PDZD2: variants seen among roughly 807,000 people sequenced by gnomAD.
PDZD2 encodes the protein PDZ domain containing 2.
In PDZD2, 90 loss-of-function variants were observed where a neutral mutation model predicts 220.7. The observed-to-expected ratio is 0.41, with a 90% CI of 0.34 to 0.49. The LOEUF is 0.49. Among genes scored for constraint, PDZD2 ranks in the 20% least tolerant of loss-of-function variants. The probability of loss-of-function intolerance (pLI) is 0.28; values close to 1 mark genes in which losing one functional copy is unlikely to be tolerated. For missense variants in PDZD2, 3,174 were observed against 3,608.5 expected, an observed-to-expected ratio of 0.88 and a Z score of 3.08; for synonymous variants, 1,375 against 1,450.5, an observed-to-expected ratio of 0.95 and a Z score of 1.18.
intron 23 of PDZD2, chr5:32,100,279 AGG>A: frequency 1.8e-5 from 3 of 166,018 alleles, no homozygotes; most frequent in South Asian, 1.6e-4. Context: ...CAGTGAACAG[AGG>A]AAGCAGGCAG....
intron 14 of PDZD2, among the ~76,000 whole-genome samples, chr5:32,069,198 G>A (rs564069148): frequency 1.3e-5 from 2 of 151,398 alleles, no homozygotes; most frequent in East Asian, 1.9e-4. Context: ...CCTGGGAGGC[G>A]GAGGTTGCAG....
chr5:31,836,008 A>G (rs1028990104), intron 2 of PDZD2, among the ~76,000 whole-genome samples: 1 of 152,166 alleles, frequency 6.6e-6, no homozygotes, highest in African/African-American at 2.4e-5. Context: ...AATGTCCATG[A>G]TTGTCCACCT....
chr5:32,065,139 A>G (rs549776191), intron 14 of PDZD2, among the ~76,000 whole-genome samples: 32 of 152,298 alleles, frequency 2.1e-4, no homozygotes, highest in African/African-American at 7.5e-4. Flanking sequence ...GTATCTACCA[A>G]TAATACAAAA....
intron 2 of PDZD2, among the ~76,000 whole-genome samples, chr5:31,863,185 A>G (rs185939160): frequency 3.3e-5 from 5 of 152,212 alleles, no homozygotes; most frequent in Admixed American, 3.3e-4. Context: ...GCGCCCGGCC[A>G]TGAGACCTTT....
intron 1 of PDZD2, among the ~76,000 whole-genome samples, chr5:31,662,876 C>CA (rs1745831205): frequency 2.0e-5 from 3 of 152,314 alleles, no homozygotes; most frequent in Admixed American, 2.0e-4. Flanking sequence ...GTGATCCACC[C>CA]GCTGTGGCCT....
intron 1 of PDZD2, among the ~76,000 whole-genome samples, chr5:31,643,094 G>A (rs117245835): frequency 1.3e-5 from 2 of 152,308 alleles, no homozygotes; most frequent in East Asian, 1.9e-4. Flanking sequence ...AGGAGGAATC[G>A]AAAGAGGTAC....
At chr5:31,840,381 G>A (rs1757192941) in intron 2 of PDZD2, 3 of 131,854 alleles carry the variant, frequency 2.3e-5, no homozygotes, top group African/African-American at 8.7e-5. Flanking sequence ...CTCATTCAAA[G>A]AGTAGTCATT....
intron 1 of PDZD2, among the ~76,000 whole-genome samples, chr5:31,718,170 A>G (rs1021499597): frequency 6.6e-6 from 1 of 152,194 alleles, no homozygotes; most frequent in African/African-American, 2.4e-5. Context: ...TGTGTCAAGG[A>G]GTGACTTCCC....
chr5:31,735,110 T>A (rs1672966589), intron 1 of PDZD2, among the ~76,000 whole-genome samples: 1 of 152,118 alleles, frequency 6.6e-6, no homozygotes, highest in Admixed American at 6.6e-5. Context: ...CTCCACTGCA[T>A]CTCTCAGCCT....
At chr5:31,791,429 A>G (rs2150220791) in intron 1 of PDZD2, among the ~76,000 whole-genome samples, 1 of 152,034 alleles carries the variant, frequency 6.6e-6, no homozygotes, top group East Asian at 2.0e-4. Flanking sequence ...CGCCTCTACT[A>G]AAAATACAAA....
rs1415475811 is a variant in PDZD2, at chr5:32,098,235, C to T, written c.7948-129C>T. On this transcript the variant is annotated intron_variant, in intron 22 of 24. Coordinates refer to ENST00000438447, the MANE Select transcript of PDZD2 (RefSeq NM_178140.4). The surrounding 1 kb of genome is among the most constrained non-coding windows in gnomAD (Gnocchi z 4.1). ...CCAGCCTGGGTGACACAGCGAGACT[C>T]CCTCTCAAAAAATAAAAATAAAAAA... is the stretch of plus-strand genomic sequence containing the variant. 6 of 902,384 alleles carry T rather than the reference C, an allele frequency of 6.6e-6. No homozygotes were observed. The highest frequency in any genetic ancestry group is 9.9e-6 in the Non-Finnish European group (6 of 603,080). 55.9% of individuals were successfully genotyped at this position (902,384 alleles called of 1,614,324 possible).
rs1561456690 is a variant in PDZD2, at chr5:32,052,594, CGT to C, written c.1666-13_1666-12del. Reference sequence around the variant, plus strand: ...AAATGAGAGTAATCTCTGACCTTGCCGTGTGCTGACTTTTAGGAATACCACAT... The same window carrying C: ...AAATGAGAGTAATCTCTGACCTTGCCGTGCTGACTTTTAGGAATACCACAT... On this transcript the variant is annotated splice_polypyrimidine_tract_variant and intron_variant, in intron 8 of 24. Coordinates refer to ENST00000438447, the MANE Select transcript of PDZD2 (RefSeq NM_178140.4). The C allele has an allele frequency of 1.2e-6, 2 of 1,612,360 alleles. No individual in the cohort carries two copies. Among genetic ancestry groups the C allele is most frequent in the Non-Finnish European group, 1.7e-6 (2 of 1,178,420 alleles).
At chr5:31,683,470 C>T (rs1459956682) in intron 1 of PDZD2, among the ~76,000 whole-genome samples, 2 of 152,040 alleles carry the variant, frequency 1.3e-5, no homozygotes, top group Non-Finnish European at 2.9e-5. Context: ...AAAATATGTA[C>T]ATGGTTACAA....
At chr5:32,035,874 G>A (rs1266112154) in intron 6 of PDZD2, among the ~76,000 whole-genome samples, 1 of 152,216 alleles carries the variant, frequency 6.6e-6, no homozygotes, top group Non-Finnish European at 1.5e-5. Flanking sequence ...CCAGACAACT[G>A]TCAGGCTGAA....
chr5:31,830,105 G>C (rs538044099), intron 2 of PDZD2, among the ~76,000 whole-genome samples: 2 of 150,676 alleles, frequency 1.3e-5, no homozygotes, highest in African/African-American at 4.9e-5. Context: ...TTTTCCAACT[G>C]TTTCATTCTA....
At chr5:31,843,671 C>A (rs1032571563) in intron 2 of PDZD2, 1 of 152,302 alleles carries the variant, frequency 6.6e-6, no homozygotes, top group Non-Finnish European at 1.5e-5. Flanking sequence ...GAGTCTCCCC[C>A]ACACTGCTCC....
chr5:31,695,711 G>C (rs1197030962), intron 1 of PDZD2, among the ~76,000 whole-genome samples: 1 of 152,192 alleles, frequency 6.6e-6, no homozygotes, highest in Non-Finnish European at 1.5e-5. Context: ...TGAACCCCCA[G>C]GCAGGGGCAG....
At chr5:31,902,500 T>TC (rs1742193647) in intron 2 of PDZD2, among the ~76,000 whole-genome samples, 1 of 149,194 alleles carries the variant, frequency 6.7e-6, no homozygotes, top group Non-Finnish European at 1.5e-5. Flanking sequence ...TTTTTTTTTT[T>TC]CAGACAGATT....
chr5:31,844,225 G>A (rs997652394), intron 2 of PDZD2, among the ~76,000 whole-genome samples: 4 of 152,194 alleles, frequency 2.6e-5, no homozygotes, highest in Non-Finnish European at 5.9e-5. Context: ...CTTGGGAAGA[G>A]AAGAAGGGTC....
Sources: gnomAD v4.1 joint callset for allele counts (sites outside exome capture counted in the v4.1 genomes callset) on GRCh38, gnomAD v4.1.1 for gene constraint, Gnocchi (gnomAD v3.1) non-coding constraint, MANE v1.5 for transcripts, NCBI Gene and HGNC (gene_info 2026-07-23, HGNC 2026-07-21) for gene names.